Variants in ALK observed in about 807,000 individuals in gnomAD.
The protein encoded by ALK is ALK tyrosine kinase receptor.
Under a neutral mutation model 163.1 loss-of-function variants are expected in ALK, and 74 were observed. The observed-to-expected ratio is 0.45, with a 90% CI of 0.38 to 0.55. ALK has a LOEUF of 0.55. Among genes scored for constraint, ALK ranks in the 20% least tolerant of loss-of-function variants. The pLI, the probability that ALK is intolerant of heterozygous loss-of-function variation, is 0.00. For synonymous variants in ALK, 960 were observed against 843.2 expected (o/e 1.14, Z -2.40); for missense variants, 2,063 against 2,105.3 (o/e 0.98, Z 0.39).
chr2:29,697,439 T>G (rs568317027), intron 2 of ALK, among the ~76,000 whole-genome samples: 2 of 152,278 alleles, frequency 1.3e-5, no homozygotes, highest in East Asian at 3.9e-4. Context: ...TGATTCCACG[T>G]TTGCCCCACT....
At chr2:29,406,744 A>G (rs1669593580) in intron 4 of ALK, among the ~76,000 whole-genome samples, 1 of 152,032 alleles carries the variant, frequency 6.6e-6, no homozygotes, top group Non-Finnish European at 1.5e-5. Flanking sequence ...TACTGAAAAT[A>G]CAAAAATCAG....
At chr2:29,369,947 G>A (rs1404025092) in intron 5 of ALK, among the ~76,000 whole-genome samples, 7 of 152,214 alleles carry the variant, frequency 4.6e-5, no homozygotes, top group Non-Finnish European at 8.8e-5. Context: ...GTGGAAGAAT[G>A]GCAGGGGATG....
At chr2:29,814,738 T>C (rs866782231) in intron 1 of ALK, among the ~76,000 whole-genome samples, 26 of 152,032 alleles carry the variant, frequency 1.7e-4, no homozygotes, top group African/African-American at 5.6e-4. Context: ...GCTTTACTAG[T>C]TGCATGAATT....
chr2:29,592,967 T>C (rs1309687514), intron 3 of ALK, among the ~76,000 whole-genome samples: 1 of 152,208 alleles, frequency 6.6e-6, no homozygotes, highest in Non-Finnish European at 1.5e-5. Context: ...TGCGAGATAA[T>C]ACATTTCTGC....
chr2:29,232,579 G>A (rs561563332), intron 14 of ALK, 131 bp from the exon 15 acceptor site: 1 of 1,266,334 alleles, frequency 7.9e-7, no homozygotes, highest in Non-Finnish European at 1.1e-6. Context: ...TCAGTGGTCT[G>A]AGGTGGTTTG....
chr2:29,539,985 G>C (rs1673369533), intron 3 of ALK, among the ~76,000 whole-genome samples: 1 of 152,088 alleles, frequency 6.6e-6, no homozygotes, highest in Non-Finnish European at 1.5e-5. Flanking sequence ...ATTTACGCAA[G>C]TTCAGTTAGA....
chr2:29,457,208 C>A (rs1670977830), intron 4 of ALK, among the ~76,000 whole-genome samples: 1 of 152,100 alleles, frequency 6.6e-6, no homozygotes, highest in African/African-American at 2.4e-5. Flanking sequence ...CCAGCTAACA[C>A]TTCAGCATTG....
At chr2:29,817,062 AGAGGACAC>A (rs1664917460) in intron 1 of ALK, among the ~76,000 whole-genome samples, 1 of 152,192 alleles carries the variant, frequency 6.6e-6, no homozygotes, top group South Asian at 2.1e-4. Flanking sequence ...CCTCTTTTAC[AGAGGACAC>A]GATGGAAGCA....
intron 1 of ALK, among the ~76,000 whole-genome samples, chr2:29,903,363 T>A (rs1480288604): frequency 6.6e-6 from 1 of 152,182 alleles, no homozygotes; most frequent in East Asian, 1.9e-4. Context: ...CACATTTATA[T>A]CCCTCATTCA....
intron 3 of ALK, among the ~76,000 whole-genome samples, chr2:29,673,704 A>G (rs1413927009): frequency 6.6e-6 from 1 of 150,478 alleles, no homozygotes; most frequent in Non-Finnish European, 1.5e-5. Context: ...GTTTTTTCCA[A>G]TTCTGTGAAG....
At chr2:29,468,777 C>G (rs116149354) in intron 4 of ALK, among the ~76,000 whole-genome samples, 10,530 of 138,498 alleles carry the variant, frequency 0.076, 520 homozygotes, top group Non-Finnish European at 0.11. Flanking sequence ...TGGCTTGAGC[C>G]TGGGAGGTTG....
chr2:29,827,408 G>A (rs1469651544), intron 1 of ALK, among the ~76,000 whole-genome samples: 2 of 152,194 alleles, frequency 1.3e-5, no homozygotes, highest in African/African-American at 2.4e-5. Context: ...ATGATGTGAT[G>A]TCCTCTAAAT....
Position 29,207,257 on chromosome 2 carries a change from T to C in ALK, c.3852A>G (p.Arg1284=), listed in dbSNP as rs1390704856. The change falls in exon 26 of 29, where the codon AGA becomes AGG. Residue 1284 remains arginine (R), a synonymous_variant. Coordinates refer to ENST00000389048, the MANE Select transcript of ALK (RefSeq NM_004304.5). The stretch of plus-strand genomic sequence containing the variant: ...CTGGCAGCATGGCACAGCCTCCCTT[T>C]CTATAGTAGCTCGCCCTGTGGGGAA... The part of the protein sequence containing the change: ...ARDIYRASYY[R]KGGCAMLPVK... 6.2e-7 allele frequency: 1 copy of C among 1,614,138 alleles called. No homozygotes were observed. The highest frequency in any genetic ancestry group is 8.5e-7 in the Non-Finnish European group (1 of 1,179,978).
At chr2:29,872,493 C>T (rs1388348297) in intron 1 of ALK, among the ~76,000 whole-genome samples, 1 of 152,202 alleles carries the variant, frequency 6.6e-6, no homozygotes, top group African/African-American at 2.4e-5. Flanking sequence ...GTGCTCAGAA[C>T]ACTTACATTA....
intron 4 of ALK, among the ~76,000 whole-genome samples, chr2:29,519,448 T>C (rs972523661): frequency 6.6e-6 from 1 of 152,196 alleles, no homozygotes; most frequent in Non-Finnish European, 1.5e-5. Flanking sequence ...GAGGCAGTCA[T>C]GGGTGAAGGC....
At chr2:29,439,279 G>A (rs1670477702) in intron 4 of ALK, among the ~76,000 whole-genome samples, 1 of 152,132 alleles carries the variant, frequency 6.6e-6, no homozygotes, top group Non-Finnish European at 1.5e-5. Flanking sequence ...GACAAATTAT[G>A]TATTCTCATA....
At chr2:29,234,666 C>T (rs1439641989) in intron 13 of ALK, among the ~76,000 whole-genome samples, 1 of 152,168 alleles carries the variant, frequency 6.6e-6, no homozygotes, top group African/African-American at 2.4e-5. Context: ...GAAGACAACA[C>T]AGGTCGTTGT....
intron 13 of ALK, among the ~76,000 whole-genome samples, chr2:29,233,914 G>GGA (rs1378607756): frequency 6.6e-6 from 1 of 152,304 alleles, no homozygotes; most frequent in Non-Finnish European, 1.5e-5. Flanking sequence ...GGAGAAACTG[G>GGA]GAGAGAGAGA....
chr2:29,390,878 G>A (rs891832841), intron 4 of ALK, among the ~76,000 whole-genome samples: 7 of 152,164 alleles, frequency 4.6e-5, no homozygotes, highest in African/African-American at 1.7e-4. Flanking sequence ...TATCCAAGTA[G>A]CCTTGGCTTT....
Sources: gnomAD v4.1 joint callset for allele counts (sites outside exome capture counted in the v4.1 genomes callset) on GRCh38, gnomAD v4.1.1 for gene constraint, MANE v1.5 for transcripts, NCBI Gene and HGNC (gene_info 2026-07-23, HGNC 2026-07-21) for gene names.